NKAIN3: variants seen among roughly 807,000 people sequenced by gnomAD.
NKAIN3 encodes the protein sodium/potassium transporting ATPase interacting 3.
In NKAIN3, 25 loss-of-function variants were observed where a neutral mutation model predicts 30.2. The observed-to-expected ratio is 0.83, with a 90% CI of 0.60 to 1.16. NKAIN3 has a LOEUF of 1.16. Among genes scored for constraint, NKAIN3 ranks in the 50% most tolerant of loss-of-function variants. NKAIN3 has a pLI of 0.00. For synonymous variants in NKAIN3, 91 were observed against 89.6 expected (o/e 1.02, Z -0.09); for missense variants, 225 against 254.1 (o/e 0.89, Z 0.78).
At chr8:62,423,450 A>T (rs1469266464) in intron 1 of NKAIN3, among the ~76,000 whole-genome samples, 2 of 149,880 alleles carry the variant, frequency 1.3e-5, no homozygotes, top group East Asian at 1.9e-4. Context: ...TTATTTATAC[A>T]TATATTCATC....
At chr8:62,761,917 T>G (rs1307631113) in intron 4 of NKAIN3, among the ~76,000 whole-genome samples, 1 of 152,198 alleles carries the variant, frequency 6.6e-6, no homozygotes, top group Non-Finnish European at 1.5e-5. Flanking sequence ...ATTTGGCCCT[T>G]TACTTCCTCT....
In NKAIN3 at chr8:62,423,562, G is replaced by A. The variant is rs556689977; in HGVS notation, c.55-155977G>A. On this transcript the variant is annotated intron_variant, in intron 1 of 6. Coordinates refer to ENST00000623646, the MANE Select transcript of NKAIN3 (RefSeq NM_001304533.3). ...TATGAACTTCTCTTTTCTGTTATTG[G>A]CATTCTTATTTTTTTACAGCTTTAC... Among the ~76,000 whole-genome samples, 10 of 151,364 alleles carry A rather than the reference G, an allele frequency of 6.6e-5. No homozygotes were observed. The East Asian group carries it at 1.9e-3, about 29-fold the overall frequency.
chr8:62,607,339 G>A (rs1811159298), intron 3 of NKAIN3, among the ~76,000 whole-genome samples: 1 of 152,138 alleles, frequency 6.6e-6, no homozygotes, highest in Non-Finnish European at 1.5e-5. Context: ...ATCCCTGAAT[G>A]CACACCCCCT....
intron 1 of NKAIN3, among the ~76,000 whole-genome samples, chr8:62,409,645 A>G (rs1376123902): frequency 6.6e-6 from 1 of 152,086 alleles, no homozygotes; most frequent in Non-Finnish European, 1.5e-5. Context: ...ACAGGATTAA[A>G]TAAATTTAGA....
intron 3 of NKAIN3, among the ~76,000 whole-genome samples, chr8:62,728,938 C>G (rs60647072): frequency 0.01 from 1,469 of 145,914 alleles, 25 homozygotes; most frequent in African/African-American, 0.035. Flanking sequence ...TGCAGTGAGC[C>G]GAGATCACGC....
intron 1 of NKAIN3, among the ~76,000 whole-genome samples, chr8:62,494,898 C>G (rs1240923435): frequency 2.0e-5 from 3 of 152,032 alleles, no homozygotes; most frequent in Non-Finnish European, 4.4e-5. Context: ...GATCTTCTCT[C>G]TTTTCTTTTT....
intron 1 of NKAIN3, among the ~76,000 whole-genome samples, chr8:62,419,465 A>G (rs1804563847): frequency 6.6e-6 from 1 of 152,224 alleles, no homozygotes; most frequent in African/African-American, 2.4e-5. Context: ...ACAGCTCTCC[A>G]GGTTGTAAAA....
chr8:62,610,328 A>C (rs1811250457), intron 3 of NKAIN3, among the ~76,000 whole-genome samples: 1 of 149,012 alleles, frequency 6.7e-6, no homozygotes, highest in Non-Finnish European at 1.5e-5. Context: ...CTGGGCAATA[A>C]GAGCAAAACT....
intron 4 of NKAIN3, among the ~76,000 whole-genome samples, chr8:62,914,945 C>T (rs1304866833): frequency 6.6e-6 from 1 of 152,082 alleles, no homozygotes; most frequent in African/African-American, 2.4e-5. Context: ...CTAATGCTCT[C>T]CCTCTCCTTG....
At chr8:62,506,897 T>G (rs1034841340) in intron 1 of NKAIN3, among the ~76,000 whole-genome samples, 1 of 152,172 alleles carries the variant, frequency 6.6e-6, no homozygotes, top group Admixed American at 6.5e-5. Context: ...TCTAATGTTA[T>G]GCATTTCTCG....
chr8:62,927,400 T>C (rs1822483427), intron 5 of NKAIN3, among the ~76,000 whole-genome samples: 1 of 152,254 alleles, frequency 6.6e-6, no homozygotes, highest in Admixed American at 6.5e-5. Context: ...AAAAATTATT[T>C]TTAATATCTA....
intron 3 of NKAIN3, among the ~76,000 whole-genome samples, chr8:62,652,610 TG>T (rs1334208120): frequency 6.6e-6 from 1 of 152,156 alleles, no homozygotes; most frequent in Non-Finnish European, 1.5e-5. Flanking sequence ...GGAGATTATT[TG>T]GGGTAAACTG....
At chr8:62,847,463 G>T (rs1202463592) in intron 4 of NKAIN3, among the ~76,000 whole-genome samples, 1 of 151,962 alleles carries the variant, frequency 6.6e-6, no homozygotes, top group Non-Finnish European at 1.5e-5. Flanking sequence ...TCATATGATT[G>T]TTGGCCACAT....
intron 3 of NKAIN3, among the ~76,000 whole-genome samples, chr8:62,721,913 T>C (rs1038352873): frequency 2.6e-5 from 4 of 152,202 alleles, no homozygotes; most frequent in Admixed American, 2.6e-4. Context: ...ATATTCCACC[T>C]GGCAAGTGTC....
intron 1 of NKAIN3, among the ~76,000 whole-genome samples, chr8:62,557,735 C>A (rs923000319): frequency 6.6e-6 from 1 of 151,946 alleles, no homozygotes; most frequent in Non-Finnish European, 1.5e-5. Context: ...ATGTTCTTAG[C>A]CTGCTTTTTG....
chr8:62,298,212 A>G lies in NKAIN3; in HGVS notation c.54+49085A>G, dbSNP rs1342421943. 1.6e-4 allele frequency among the ~76,000 whole-genome samples: 25 copies of G among 151,788 alleles called. 1 individual carries two copies. The highest frequency in any genetic ancestry group is 1.5e-5 in the Non-Finnish European group (1 of 67,938). On this transcript the variant is annotated intron_variant, in intron 1 of 6. Transcript: ENST00000623646. ...GGGAAGGGATAGCATTAGGAGATAT[A>G]TCTAATGCTAAATGACGAGTTAATG...
At chr8:62,562,758 A>T (rs1049391644) in intron 1 of NKAIN3, among the ~76,000 whole-genome samples, 3 of 152,134 alleles carry the variant, frequency 2.0e-5, no homozygotes, top group Admixed American at 6.6e-5. Context: ...TTTTTTCTAT[A>T]TATTATTTTC....
At chr8:62,528,126 G>T (rs1808365839) in intron 1 of NKAIN3, among the ~76,000 whole-genome samples, 1 of 150,742 alleles carries the variant, frequency 6.6e-6, no homozygotes, top group Admixed American at 6.7e-5. Flanking sequence ...TGATGAGGCT[G>T]TGTCAGCATG....
intron 3 of NKAIN3, among the ~76,000 whole-genome samples, chr8:62,725,984 T>G (rs1815244569): frequency 6.6e-6 from 1 of 152,092 alleles, no homozygotes; most frequent in African/African-American, 2.4e-5. Flanking sequence ...ACATGACATA[T>G]CTTTTCATTG....
Sources: allele counts gnomAD v4.1 joint callset (sites outside exome capture counted in the v4.1 genomes callset), GRCh38; gene constraint gnomAD v4.1.1; transcripts MANE v1.5; gene names NCBI Gene and HGNC (gene_info 2026-07-23, HGNC 2026-07-21).